Variants in DNAJC13 observed in about 807,000 individuals in gnomAD.
DNAJC13 encodes dnaJ homolog subfamily C member 13.
In DNAJC13, 75 loss-of-function variants were observed where a neutral mutation model predicts 290.5. The ratio of observed to expected loss-of-function variants is 0.26; its 90% confidence interval spans 0.21 to 0.31. The LOEUF (loss-of-function observed/expected upper bound fraction) is 0.31, where lower values mean the gene tolerates loss of function less well. Ranked by LOEUF, DNAJC13 falls within the 10% of genes least tolerant of loss-of-function variation. DNAJC13 has a pLI of 1.00. For synonymous variants in DNAJC13, 862 were observed against 892.0 expected, an observed-to-expected ratio of 0.97 and a Z score of 0.60; for missense variants, 2,260 against 2,674.5, an observed-to-expected ratio of 0.85 and a Z score of 3.42.
intron 42 of DNAJC13, 104 bp from the exon 43 acceptor site, chr3:132,507,133 C>T: frequency 1.4e-6 from 1 of 697,486 alleles, no homozygotes; most frequent in Non-Finnish European, 2.4e-6. Flanking sequence ...CACATTTTTT[C>T]TCTAGAATAT....
intron 54 of DNAJC13, among the ~76,000 whole-genome samples, chr3:132,528,948 A>AT (rs200060151): frequency 1.1e-4 from 16 of 150,862 alleles, no homozygotes; most frequent in South Asian, 6.3e-4. Flanking sequence ...ACTAATGCTC[A>AT]TTTTTTTTTA....
intron 43 of DNAJC13, 23 bp from the exon 44 acceptor site, chr3:132,511,044 A>C (rs1935763443): frequency 6.2e-7 from 1 of 1,608,656 alleles, no homozygotes; most frequent in Non-Finnish European, 8.5e-7. Flanking sequence ...CATGTTGTTT[A>C]AATACTTGTC....
Position 132,500,648 on chromosome 3 carries a change from T to C in DNAJC13, c.4417-146T>C, listed in dbSNP as rs1935378719. On this transcript the variant is annotated intron_variant, in intron 38 of 55. Coordinates refer to ENST00000260818, the MANE Select transcript of DNAJC13 (RefSeq NM_015268.4). ...ATCTTAATGAGAAAGACTAGTGATC[T>C]AGTAAAGACATTCTGTTTAATTTTG... is the stretch of plus-strand genomic sequence containing the variant. The C allele has an allele frequency of 9.2e-6, 10 of 1,088,652 alleles. No individual in the cohort carries two copies. In the South Asian group the frequency reaches 1.3e-4, roughly 14 times the overall value. 67.4% of individuals were successfully genotyped at this position (1,088,652 alleles called of 1,614,324 possible).
In DNAJC13 at chr3:132,451,455, A is replaced by G. The variant is rs910359459; in HGVS notation, c.537+608A>G. Among the ~76,000 whole-genome samples, 3 of 152,212 alleles carry G rather than the reference A, an allele frequency of 2.0e-5. No homozygotes were observed. The South Asian group carries it at 6.2e-4, about 32-fold the overall frequency. ...TTTTTGTTCTGAAATTCAGAATTATATATAAGTAAATTATGGGGTATAACA... is the reference window on the plus strand; with the variant it reads ...TTTTTGTTCTGAAATTCAGAATTATGTATAAGTAAATTATGGGGTATAACA... On this transcript the variant is annotated intron_variant, in intron 6 of 55. Coordinates refer to ENST00000260818, the MANE Select transcript of DNAJC13 (RefSeq NM_015268.4).
chr3:132,475,106 T>C (rs767513785), intron 22 of DNAJC13, 21 bp downstream of exon 22: 1 of 1,530,606 alleles, frequency 6.5e-7, no homozygotes, highest in East Asian at 2.4e-5. Flanking sequence ...ATTTTTCCAG[T>C]ATATTAATCT....
chr3:132,442,549 A>AT lies in DNAJC13; in HGVS notation c.69-3917dup, dbSNP rs1286838591. ...CCACCAATACTATCATCAGCACAAC[A>AT]TTTTTTTTTCTTTTTCTTTGTCACC... On this transcript the variant is annotated intron_variant, in intron 2 of 55. Transcript: ENST00000260818. Among the ~76,000 whole-genome samples, 7 of 151,454 alleles carry AT rather than the reference A, an allele frequency of 4.6e-5. No homozygotes were observed. In the South Asian group the frequency reaches 6.2e-4, roughly 14 times the overall value.
intron 55 of DNAJC13, among the ~76,000 whole-genome samples, chr3:132,536,862 A>G (rs114898297): frequency 4.7e-4 from 71 of 152,220 alleles, no homozygotes; most frequent in African/African-American, 1.7e-3. Context: ...AAAAGGAGAA[A>G]TATTTTTTGT....
chr3:132,515,227 G>C (rs1456775545), intron 46 of DNAJC13, among the ~76,000 whole-genome samples: 1 of 152,170 alleles, frequency 6.6e-6, no homozygotes, highest in Non-Finnish European at 1.5e-5. Flanking sequence ...CAGGAATATT[G>C]AGTTTGTAGG....
intron 1 of DNAJC13, among the ~76,000 whole-genome samples, chr3:132,427,218 C>A (rs1183985870): frequency 6.6e-6 from 1 of 151,410 alleles, no homozygotes; most frequent in South Asian, 2.1e-4. Context: ...TCACTGCAGC[C>A]TCAGCCTCCC....
rs187142192 is a variant in DNAJC13, at chr3:132,531,238, G to A, written c.6625+141G>A. The A allele has an allele frequency of 9.1e-6, 6 of 661,260 alleles. No individual in the cohort carries two copies. In the East Asian group the frequency reaches 1.4e-4, roughly 15 times the overall value. 41.0% of individuals were successfully genotyped at this position (661,260 alleles called of 1,614,324 possible). A position where few individuals can be genotyped will look rare whatever the true frequency, so the allele number is the denominator to read the frequency against. ...CCTTTCTTGGAGGTGCTATGAGCATGTAGTAGACATATGGTCTTAGCTTTA... is the reference window on the plus strand; with the variant it reads ...CCTTTCTTGGAGGTGCTATGAGCATATAGTAGACATATGGTCTTAGCTTTA... On this transcript the variant is annotated intron_variant, in intron 55 of 55. Transcript: ENST00000260818.
intron 2 of DNAJC13, among the ~76,000 whole-genome samples, chr3:132,435,503 T>A (rs1939363240): frequency 6.6e-6 from 1 of 152,226 alleles, no homozygotes. Context: ...GTCTAGTATT[T>A]CTGGTTTGCA....
At position 132,505,340 on chromosome 3, in the gene DNAJC13, T is replaced by C; in HGVS notation, c.4923T>C (p.Tyr1641=). The part of the protein sequence containing the change: ...KMLNSNTESP[Y]LIWNNSTRAE... ...TTAACAGCAACACAGAAAGTCCATA[T>C]TTGATATGGAACAATTCTACAAGAG... is the stretch of plus-strand genomic sequence containing the variant. The change falls in exon 42 of 56, where the codon TAT becomes TAC. Residue 1641 remains tyrosine, a synonymous_variant. Coordinates refer to ENST00000260818, the MANE Select transcript of DNAJC13 (RefSeq NM_015268.4). 6.2e-7 allele frequency: 1 copy of C among 1,610,914 alleles called. No individual in the cohort carries two copies. The highest frequency in any genetic ancestry group is 8.5e-7 in the Non-Finnish European group (1 of 1,178,422).
chr3:132,503,574 G>A (rs946886388), intron 41 of DNAJC13, among the ~76,000 whole-genome samples, 193 bp downstream of exon 41: 1 of 152,152 alleles, frequency 6.6e-6, no homozygotes, highest in African/African-American at 2.4e-5. Context: ...GTTTTTGCAA[G>A]GGCAAATTAA....
At chr3:132,535,876 A>G (rs1457329562) in intron 55 of DNAJC13, among the ~76,000 whole-genome samples, 1 of 152,006 alleles carries the variant, frequency 6.6e-6, no homozygotes, top group Non-Finnish European at 1.5e-5. Flanking sequence ...AACCAGACAC[A>G]TCCTCAAGGA....
intron 2 of DNAJC13, among the ~76,000 whole-genome samples, chr3:132,437,114 AG>A (rs1331018347): frequency 2.6e-5 from 4 of 152,000 alleles, no homozygotes; most frequent in Non-Finnish European, 2.9e-5. Flanking sequence ...CCTGACCTCA[AG>A]TAATCCGCCC....
intron 22 of DNAJC13, 64 bp downstream of exon 22, chr3:132,475,149 A>AT (rs888272646): frequency 7.0e-5 from 90 of 1,287,546 alleles, no homozygotes; most frequent in Middle Eastern, 4.7e-4. Context: ...TTGGGGAGTG[A>AT]TTTTTTTTAA....
intron 26 of DNAJC13, among the ~76,000 whole-genome samples, chr3:132,481,029 T>C (rs1456943540): frequency 6.6e-6 from 1 of 152,228 alleles, no homozygotes; most frequent in Non-Finnish European, 1.5e-5. Context: ...ACTGTTCTGG[T>C]ACACATACAA....
chr3:132,487,086 A>T (rs975199309), intron 29 of DNAJC13, among the ~76,000 whole-genome samples: 1 of 152,138 alleles, frequency 6.6e-6, no homozygotes. Context: ...ATGTAATAGT[A>T]TGAAACGCTT....
At chr3:132,479,697 G>T (rs1484787999) in intron 25 of DNAJC13, among the ~76,000 whole-genome samples, 1 of 152,072 alleles carries the variant, frequency 6.6e-6, no homozygotes, top group Non-Finnish European at 1.5e-5. Context: ...GAAGTTATAA[G>T]ATTAGTCATT....
Sources: allele counts gnomAD v4.1 joint callset (sites outside exome capture counted in the v4.1 genomes callset), GRCh38; gene constraint gnomAD v4.1.1; transcripts MANE v1.5; gene names NCBI Gene and HGNC (gene_info 2026-07-23, HGNC 2026-07-21).